Variants in PYGL observed in about 807,000 individuals in gnomAD.
PYGL encodes the protein glycogen phosphorylase, liver form.
Under a neutral mutation model 100.1 loss-of-function variants are expected in PYGL, and 90 were observed. The observed-to-expected ratio is 0.90, with a 90% CI of 0.76 to 1.07. The LOEUF (loss-of-function observed/expected upper bound fraction) is 1.07. Among genes scored for constraint, PYGL ranks in the 50% least tolerant of loss-of-function variants. The pLI, the probability that PYGL is intolerant of heterozygous loss-of-function variation, is 0.00. For synonymous variants in PYGL, 373 were observed against 393.0 expected (o/e 0.95, Z 0.60); for missense variants, 1,016 against 1,057.6 (o/e 0.96, Z 0.55).
intron 1 of PYGL, among the ~76,000 whole-genome samples, chr14:50,939,853 C>A (rs1033955585): frequency 2.6e-5 from 4 of 152,182 alleles, no homozygotes; most frequent in African/African-American, 9.7e-5. Context: ...ATACTAGTTA[C>A]ACATAAATAT....
At chr14:50,926,211 T>C (rs1262382172) in intron 4 of PYGL, among the ~76,000 whole-genome samples, 3 of 151,636 alleles carry the variant, frequency 2.0e-5, no homozygotes, top group Admixed American at 6.6e-5. Flanking sequence ...ATTAGCCGAG[T>C]GTGGTGGTGT....
intron 7 of PYGL, among the ~76,000 whole-genome samples, chr14:50,917,421 G>A (rs2050463417): frequency 6.6e-6 from 1 of 152,220 alleles, no homozygotes; most frequent in African/African-American, 2.4e-5. Flanking sequence ...GCCAAATCCT[G>A]ACCTGGTAGT....
rs748412122 is a variant in PYGL at position 50,944,387 on chromosome 14, G to T, written c.17C>A (p.Thr6Lys). MAKPL[T>K]DQEKRRQISI... ...GATCTGCCGCCGCTTCTCCTGGTCC[G>T]TCAGGGGCTTCGCCATGGCTGGGGC... The change falls in exon 1 of 20, where the codon ACG (threonine) becomes AAG (lysine). Residue 6 changes from threonine to lysine, a missense_variant. Thr to Lys is a moderately conservative substitution (Grantham distance 78). Transcript: ENST00000216392. 1 of 1,612,332 alleles carries T rather than the reference G, an allele frequency of 6.2e-7. No individual in the cohort carries two copies. The highest frequency in any genetic ancestry group is 8.5e-7 in the Non-Finnish European group (1 of 1,179,492).
At chr14:50,943,658 G>T (rs1185806584) in intron 1 of PYGL, among the ~76,000 whole-genome samples, 2 of 152,372 alleles carry the variant, frequency 1.3e-5, no homozygotes, top group East Asian at 3.9e-4. Flanking sequence ...ACTCCCAGAG[G>T]CCTGAGACTT....
At chr14:50,942,832 A>G (rs1296925247) in intron 1 of PYGL, among the ~76,000 whole-genome samples, 1 of 148,686 alleles carries the variant, frequency 6.7e-6, no homozygotes, top group African/African-American at 2.4e-5. Context: ...CAAACAAAAC[A>G]AAACAAAACA....
At chr14:50,940,190 A>AAAT (rs1426100731) in intron 1 of PYGL, among the ~76,000 whole-genome samples, 1 of 152,240 alleles carries the variant, frequency 6.6e-6, no homozygotes, top group African/African-American at 2.4e-5. Context: ...CTTAAGCCAC[A>AAAT]AATACCCATT....
At chr14:50,941,492 C>G (rs897548974) in intron 1 of PYGL, among the ~76,000 whole-genome samples, 1 of 152,116 alleles carries the variant, frequency 6.6e-6, no homozygotes, top group Non-Finnish European at 1.5e-5. Context: ...TCAAGGGAAC[C>G]TATAGAAATC....
In PYGL at chr14:50,908,752, T is replaced by A. The variant is rs1010643323; in HGVS notation, c.2312+69A>T. On this transcript the variant is annotated intron_variant, in intron 18 of 19. Transcript: ENST00000216392. Reference sequence around the variant, plus strand: ...AAGATTTTCTTGTTGGTTTTAGAGTTGGTTGGTTTAAGATTTTCTTGTCCC... The same window carrying A: ...AAGATTTTCTTGTTGGTTTTAGAGTAGGTTGGTTTAAGATTTTCTTGTCCC... The A allele has an allele frequency of 2.0e-6, 3 of 1,515,568 alleles. No individual in the cohort carries two copies. The African/African-American group carries it at 4.1e-5, about 21-fold the overall frequency. 93.9% of individuals were successfully genotyped at this position (1,515,568 alleles called of 1,614,324 possible). A position where few individuals can be genotyped will look rare whatever the true frequency, so the allele number is the denominator to read the frequency against.
intron 4 of PYGL, among the ~76,000 whole-genome samples, chr14:50,931,385 G>T (rs187085632): frequency 6.6e-6 from 1 of 152,290 alleles, no homozygotes; most frequent in East Asian, 1.9e-4. Context: ...CACATTGTAG[G>T]TGCTCCACAA....
chr14:50,909,952 T>C lies in PYGL; in HGVS notation c.2120A>G (p.Glu707Gly), dbSNP rs368302349. 32 of 1,614,250 alleles carry C rather than the reference T, an allele frequency of 2.0e-5. No individual in the cohort carries two copies. The East Asian group carries it at 6.7e-4, about 34-fold the overall frequency. Residue 707 changes from glutamate to glycine, a missense_variant, in exon 17 of 20, where the codon GAG (glutamate) becomes GGG (glycine). Transcript: ENST00000216392. ...NVEMAEEAGE[E>G]NLFIFGMRID... The stretch of plus-strand genomic sequence containing the variant: ...CCTCATGCCAAAGATGAACAGGTTC[T>C]CTTCCCCAGCTTCTTCTGCCATTTC...
At chr14:50,914,836 T>C (rs1245491456) in intron 11 of PYGL, 21 bp from the exon 12 acceptor site, 2 of 1,583,616 alleles carry the variant, frequency 1.3e-6, no homozygotes, top group South Asian at 2.2e-5. Flanking sequence ...AGGAGACACA[T>C]CACTGAATTT....
Position 50,944,303 on chromosome 14 carries a change from C to T in PYGL, c.101G>A (p.Arg34Gln). 1 of 1,613,980 alleles carries T rather than the reference C, an allele frequency of 6.2e-7. No homozygotes were observed. The highest frequency in any genetic ancestry group is 8.5e-7 in the Non-Finnish European group (1 of 1,179,888). The part of the protein sequence containing the change: ...NVAELKKSFN[R>Q]HLHFTLVKDR... ...CTTGACCAGCGTGAAGTGCAGGTGC[C>T]GGTTGAAACTCTTCTTCAGCTCTGC... is the stretch of plus-strand genomic sequence containing the variant. The change falls in exon 1 of 20, where the codon CGG becomes CAG. Residue 34 changes from arginine to glutamine, a missense_variant. Coordinates refer to ENST00000216392, the MANE Select transcript of PYGL (RefSeq NM_002863.5).
chr14:50,928,491 C>A (rs758403001), intron 4 of PYGL, among the ~76,000 whole-genome samples: 1 of 152,114 alleles, frequency 6.6e-6, no homozygotes, highest in Admixed American at 6.6e-5. Flanking sequence ...AGTGCCTTTC[C>A]ACCCAGGGCT....
intron 9 of PYGL, among the ~76,000 whole-genome samples, chr14:50,916,312 C>A (rs143794197): frequency 6.6e-6 from 1 of 152,308 alleles, no homozygotes; most frequent in Admixed American, 6.5e-5. Flanking sequence ...ATGCTGACTT[C>A]TAAAGCTATG....
At chr14:50,906,723 C>T (rs1055970753) in intron 19 of PYGL, among the ~76,000 whole-genome samples, 1 of 152,200 alleles carries the variant, frequency 6.6e-6, no homozygotes, top group Non-Finnish European at 1.5e-5. Flanking sequence ...ATTCTTGCGG[C>T]CTGTATATGG....
chr14:50,915,824 C>A lies in PYGL; in HGVS notation c.1239+1G>T. ...AGAGAAAATCTCTCAAAATGACTTA[C>A]ATCTAAATGCTTCTGATTTATCTCA... On this transcript the variant is annotated splice_donor_variant, in intron 10 of 19. Transcript: ENST00000216392. LOFTEE classifies it high-confidence loss of function. 1 of 1,613,752 alleles carries A rather than the reference C, an allele frequency of 6.2e-7. No individual in the cohort carries two copies. The highest frequency in any genetic ancestry group is 8.5e-7 in the Non-Finnish European group (1 of 1,179,806).
At chr14:50,941,788 G>T (rs1255309560) in intron 1 of PYGL, among the ~76,000 whole-genome samples, 3 of 152,162 alleles carry the variant, frequency 2.0e-5, no homozygotes, top group African/African-American at 7.2e-5. Flanking sequence ...TAAGGCAGGA[G>T]AATCACTTGA....
chr14:50,913,112 CAT>C lies in PYGL; in HGVS notation c.1535_1536del (p.Tyr512CysfsTer16). On this transcript the variant is annotated frameshift_variant, in exon 13 of 20. Coordinates refer to ENST00000216392, the MANE Select transcript of PYGL (RefSeq NM_002863.5). LOFTEE classifies it high-confidence loss of function. ...ELIAEKIGEDYVKDLSQLTKL... is the reference protein window; with the variant it reads ...ELIAEKIGEDXVKDLSQLTKL... ...TTCGTCAGCTGGCTCAGGTCTTTCA[CAT>C]AGTCTTCTCCAATTTTCTTTCAATT... 1 of 1,613,848 alleles carries C rather than the reference CAT, an allele frequency of 6.2e-7. No individual in the cohort carries two copies. Among genetic ancestry groups the C allele is most frequent in the Non-Finnish European group, 8.5e-7 (1 of 1,179,788 alleles).
chr14:50,943,801 G>A (rs1183614877), intron 1 of PYGL, among the ~76,000 whole-genome samples: 2 of 152,228 alleles, frequency 1.3e-5, no homozygotes, highest in Admixed American at 6.5e-5. Context: ...AGGACAAGAG[G>A]CCCCCGTCAC....
Sources: allele counts gnomAD v4.1 joint callset (sites outside exome capture counted in the v4.1 genomes callset), GRCh38; gene constraint gnomAD v4.1.1; transcripts MANE v1.5; gene names NCBI Gene and HGNC (gene_info 2026-07-23, HGNC 2026-07-21).